Variants in CTNNA2 observed in about 807,000 individuals in gnomAD.
CTNNA2 encodes the protein catenin alpha 2, also known as catenin alpha-2.
CTNNA2 carries 42 observed loss-of-function variants against 101.0 expected under a neutral mutation model. That is an observed-to-expected ratio of 0.42 (90% CI 0.32 to 0.54). The LOEUF (loss-of-function observed/expected upper bound fraction) is 0.54, where lower values mean the gene tolerates loss of function less well. Ranked by LOEUF, CTNNA2 falls within the 20% of genes least tolerant of loss-of-function variation. CTNNA2 has a pLI of 0.14. For missense variants in CTNNA2, 871 were observed against 1,223.1 expected, an observed-to-expected ratio of 0.71 and a Z score of 4.29; for synonymous variants, 450 against 456.4, an observed-to-expected ratio of 0.99 and a Z score of 0.18.
chr2:79,296,431 G>A (rs141634245), intron 2 of CTNNA2, among the ~76,000 whole-genome samples: 23 of 152,250 alleles, frequency 1.5e-4, no homozygotes, highest in Non-Finnish European at 3.1e-4. Flanking sequence ...GGGATAGTAG[G>A]AGTTGAATAT....
At chr2:79,650,327 T>C (rs1313963935) in intron 1 of CTNNA2, among the ~76,000 whole-genome samples, 1 of 152,052 alleles carries the variant, frequency 6.6e-6, no homozygotes, top group Non-Finnish European at 1.5e-5. Flanking sequence ...AGAATGTAAA[T>C]GTAGTGAGTA....
chr2:80,229,540 G>A (rs1260549955), intron 7 of CTNNA2, among the ~76,000 whole-genome samples: 1 of 151,796 alleles, frequency 6.6e-6, no homozygotes, highest in Non-Finnish European at 1.5e-5. Context: ...GTGCAGAGCT[G>A]TCATGCCCTC....
At chr2:79,242,591 T>C (rs1226700556) in intron 2 of CTNNA2, among the ~76,000 whole-genome samples, 1 of 152,150 alleles carries the variant, frequency 6.6e-6, no homozygotes, top group Non-Finnish European at 1.5e-5. Context: ...AATAATAAAA[T>C]AACATCACCT....
intron 3 of CTNNA2, among the ~76,000 whole-genome samples, chr2:79,809,653 T>C (rs1198606081): frequency 6.6e-6 from 1 of 152,206 alleles, no homozygotes; most frequent in Non-Finnish European, 1.5e-5. Context: ...TCTTGTAAAT[T>C]TGTTTAAGTT....
rs140461238 is a variant in CTNNA2 at position 80,552,147 on chromosome 2, G to A, written c.1541-3546G>A. On this transcript the variant is annotated intron_variant, in intron 11 of 18. Coordinates refer to ENST00000402739, the MANE Select transcript of CTNNA2 (RefSeq NM_001282597.3). ...TGGTTCCTGATGCCCCAAAACAATT[G>A]CAATAGTGACAAAGATCACTGATCA... 8.3e-4 allele frequency among the ~76,000 whole-genome samples: 127 copies of A among 152,196 alleles called. 1 individual carries two copies. The highest frequency in any genetic ancestry group is 3.4e-3 in the Middle Eastern group (1 of 294).
chr2:79,595,168 C>T (rs1014538774), intron 1 of CTNNA2, among the ~76,000 whole-genome samples: 7 of 152,212 alleles, frequency 4.6e-5, no homozygotes, highest in Non-Finnish European at 1.5e-5. Context: ...ATTCCACTCT[C>T]ACCCGGTTCT....
rs77256170 is a variant in CTNNA2, at chr2:79,622,564, A to G, written c.-5-28988A>G. On this transcript the variant is annotated intron_variant, in intron 1 of 18. Coordinates refer to ENST00000402739, the MANE Select transcript of CTNNA2 (RefSeq NM_001282597.3). Reference sequence around the variant, plus strand: ...AAGAAAACATTATTTTTCAATTGGTATATTAGGTTAGGGAAAATTAAATGC... The same window carrying G: ...AAGAAAACATTATTTTTCAATTGGTGTATTAGGTTAGGGAAAATTAAATGC... Among the ~76,000 whole-genome samples, 774 of 152,320 alleles carry G rather than the reference A, an allele frequency of 5.1e-3. 39 individuals are homozygous for G. The East Asian group carries it at 0.11, about 22-fold the overall frequency.
intron 2 of CTNNA2, among the ~76,000 whole-genome samples, chr2:79,711,148 T>G (rs1685711844): frequency 6.6e-6 from 1 of 152,032 alleles, no homozygotes; most frequent in African/African-American, 2.4e-5. Context: ...ATCTCCAGCT[T>G]AGTTTTAACT....
At chr2:80,159,954 T>G (rs1046372378) in intron 7 of CTNNA2, among the ~76,000 whole-genome samples, 48 of 145,538 alleles carry the variant, frequency 3.3e-4, no homozygotes, top group African/African-American at 1.3e-3. Flanking sequence ...AGTTTTACAT[T>G]TTTCCATTTT....
intron 1 of CTNNA2, among the ~76,000 whole-genome samples, chr2:79,617,132 G>C (rs1479227965): frequency 6.6e-6 from 1 of 152,064 alleles, no homozygotes; most frequent in African/African-American, 2.4e-5. Context: ...TCGAACTCCT[G>C]ACCTCGTGAT....
chr2:80,409,922 A>G (rs991993026), intron 8 of CTNNA2, among the ~76,000 whole-genome samples: 9 of 152,150 alleles, frequency 5.9e-5, no homozygotes, highest in African/African-American at 1.9e-4. Context: ...GAACTTTTTT[A>G]GTTTTTCAAG....
intron 3 of CTNNA2, among the ~76,000 whole-genome samples, chr2:79,352,366 G>C (rs1222575932): frequency 3.9e-5 from 6 of 151,950 alleles, no homozygotes; most frequent in African/African-American, 1.4e-4. Context: ...CCTAATTTGT[G>C]TGCATAGAGG....
chr2:80,266,623 C>T (rs148068275), intron 7 of CTNNA2, among the ~76,000 whole-genome samples: 2 of 152,340 alleles, frequency 1.3e-5, no homozygotes, highest in African/African-American at 4.8e-5. Context: ...CCTTGTTTAA[C>T]CGGTATGGAT....
At chr2:79,865,338 A>G (rs1184648030) in intron 4 of CTNNA2, among the ~76,000 whole-genome samples, 1 of 152,222 alleles carries the variant, frequency 6.6e-6, no homozygotes, top group Non-Finnish European at 1.5e-5. Flanking sequence ...ACATGCATTC[A>G]TTCTTTCATG....
intron 6 of CTNNA2, among the ~76,000 whole-genome samples, chr2:79,897,892 G>A (rs967732170): frequency 3.9e-5 from 6 of 152,106 alleles, no homozygotes; most frequent in African/African-American, 7.2e-5. Flanking sequence ...CTGGTATGGC[G>A]GAAGGCAGAA....
chr2:79,955,678 AT>A (rs146197725), intron 7 of CTNNA2, among the ~76,000 whole-genome samples: 2 of 151,690 alleles, frequency 1.3e-5, no homozygotes, highest in South Asian at 2.1e-4. Context: ...TGCCCAGCTA[AT>A]TTTTTTTTGA....
At chr2:79,273,712 T>G (rs957516539) in intron 2 of CTNNA2, among the ~76,000 whole-genome samples, 1 of 152,094 alleles carries the variant, frequency 6.6e-6, no homozygotes, top group African/African-American at 2.4e-5. Context: ...ACAGTTTTTA[T>G]ATTTTATTTT....
At chr2:79,891,655 C>T (rs1325843431) in intron 6 of CTNNA2, among the ~76,000 whole-genome samples, 1 of 152,070 alleles carries the variant, frequency 6.6e-6, no homozygotes, top group Non-Finnish European at 1.5e-5. Context: ...CAGATTCTCT[C>T]AAGTCTACAT....
chr2:80,263,465 G>A (rs1353263688), intron 7 of CTNNA2, among the ~76,000 whole-genome samples: 1 of 152,268 alleles, frequency 6.6e-6, no homozygotes, highest in East Asian at 1.9e-4. Flanking sequence ...TTCTCGAGTA[G>A]ATGGGATTAC....
Sources: allele counts gnomAD v4.1 joint callset (sites outside exome capture counted in the v4.1 genomes callset), GRCh38; gene constraint gnomAD v4.1.1; transcripts MANE v1.5; gene names NCBI Gene and HGNC (gene_info 2026-07-23, HGNC 2026-07-21).